Variants in GOT2 observed in about 807,000 individuals in gnomAD.
GOT2 encodes the protein aspartate aminotransferase, mitochondrial.
In GOT2, 17 loss-of-function variants were observed where a neutral mutation model predicts 50.0. The observed-to-expected ratio is 0.34, with a 90% CI of 0.23 to 0.51. The LOEUF (loss-of-function observed/expected upper bound fraction) is 0.51, where lower values mean the gene tolerates loss of function less well. Among genes scored for constraint, GOT2 ranks in the 20% least tolerant of loss-of-function variants. The probability of loss-of-function intolerance (pLI) is 0.97; values close to 1 mark genes in which losing one functional copy is unlikely to be tolerated. For synonymous variants in GOT2, 172 were observed against 204.9 expected (o/e 0.84, Z 1.37); for missense variants, 430 against 559.6 (o/e 0.77, Z 2.34).
chr16:58,717,722 C>T (rs1452306630), intron 6 of GOT2, among the ~76,000 whole-genome samples: 1 of 152,182 alleles, frequency 6.6e-6, no homozygotes, highest in Non-Finnish European at 1.5e-5. Flanking sequence ...CAGAGTTTTG[C>T]TCTTGTTGCC....
intron 8 of GOT2, 32 bp from the exon 9 acceptor site, chr16:58,709,599 T>C (rs764558991): frequency 1.3e-6 from 2 of 1,597,790 alleles, no homozygotes; most frequent in Middle Eastern, 1.7e-4. Flanking sequence ...CAGCTCATTC[T>C]GCCTAAGCAC....
chr16:58,726,896 G>A (rs1373792082), intron 1 of GOT2, among the ~76,000 whole-genome samples: 2 of 151,862 alleles, frequency 1.3e-5, no homozygotes, highest in Non-Finnish European at 2.9e-5. Flanking sequence ...GCTCACGCCT[G>A]CAATCCCAGC....
At chr16:58,716,423 T>C (rs1018282499) in intron 7 of GOT2, 1 of 601,710 alleles carries the variant, frequency 1.7e-6, no homozygotes, top group Non-Finnish European at 2.9e-6. Flanking sequence ...TTGTTACTTT[T>C]TGTTTAGAGA....
intron 8 of GOT2, among the ~76,000 whole-genome samples, chr16:58,713,580 C>A (rs755600058): frequency 5.3e-5 from 8 of 152,156 alleles, no homozygotes; most frequent in Non-Finnish European, 1.0e-4. Context: ...GACAGAGAGA[C>A]AGAAAAAATA....
intron 5 of GOT2, 74 bp from the exon 6 acceptor site, chr16:58,718,374 G>A (rs552742978): frequency 8.7e-6 from 12 of 1,384,052 alleles, no homozygotes; most frequent in Admixed American, 5.2e-5. Context: ...CCACAGGATC[G>A]TCATCATTTG....
At chr16:58,712,019 C>T (rs1158128187) in intron 8 of GOT2, among the ~76,000 whole-genome samples, 1 of 152,036 alleles carries the variant, frequency 6.6e-6, no homozygotes, top group Non-Finnish European at 1.5e-5. Context: ...CTGCATAATG[C>T]ACGTCCCACG....
At chr16:58,709,200 T>C (rs1567484232) in intron 9 of GOT2, 2 of 422,200 alleles carry the variant, frequency 4.7e-6, no homozygotes, top group South Asian at 3.7e-5. Flanking sequence ...GAGGTGGAGG[T>C]TGCAGTGAGC....
At chr16:58,731,448 A>G (rs975812820) in intron 1 of GOT2, among the ~76,000 whole-genome samples, 1 of 152,192 alleles carries the variant, frequency 6.6e-6, no homozygotes, top group African/African-American at 2.4e-5. Flanking sequence ...CTGGTCTGTG[A>G]TCTTTTAACC....
intron 1 of GOT2, among the ~76,000 whole-genome samples, chr16:58,730,020 T>C (rs257617): frequency 0.69 from 105,415 of 152,028 alleles, 37,099 homozygotes; most frequent in Middle Eastern, 0.86. Flanking sequence ...GTATGAAAAC[T>C]ATGTATCTAT....
chr16:58,707,944 A>G lies in GOT2; in HGVS notation c.*227T>C. 1 of 359,622 alleles carries G rather than the reference A, an allele frequency of 2.8e-6. No homozygotes were observed. The highest frequency in any genetic ancestry group is 8.7e-5 in the South Asian group (1 of 11,444). The allele number at this position is 359,622 out of a possible 1,614,324, so 22.3% of individuals were successfully genotyped here. On this transcript the variant is annotated 3_prime_UTR_variant, in exon 10 of 10. Coordinates refer to ENST00000245206, the MANE Select transcript of GOT2 (RefSeq NM_002080.4). ...TTTGAGAAAAGTTGGAGAAAAAAGG[A>G]CCGGGGAGAGTTTGGTTTAATATTC... is the stretch of plus-strand genomic sequence containing the variant.
intron 7 of GOT2, chr16:58,716,403 G>T: frequency 1.7e-6 from 1 of 598,850 alleles, no homozygotes; most frequent in Non-Finnish European, 2.9e-6. Flanking sequence ...TATCTTCTTG[G>T]CTCACGGATT....
chr16:58,716,572 A>C (rs2044695069), intron 7 of GOT2, 91 bp downstream of exon 7: 1 of 1,044,336 alleles, frequency 9.6e-7, no homozygotes, highest in South Asian at 1.5e-5. Flanking sequence ...ACACACACAC[A>C]CACACACACA....
Position 58,718,286 on chromosome 16 carries a change from C to G in GOT2, c.612G>C (p.Gln204His). ...CGCAGGCATGCAGAAGAAGAACACT[C>G]TGCTCTGGTATTTTCTAAAGAGAAA... ...AVEDISKIPE[Q>H]SVLLLHACAH... The change falls in exon 6 of 10, where the codon CAG becomes CAC. Residue 204 changes from glutamine to histidine, a missense_variant. By Grantham distance (24) the Gln-to-His change is conservative. Coordinates refer to ENST00000245206, the MANE Select transcript of GOT2 (RefSeq NM_002080.4). The G allele has an allele frequency of 1.2e-6, 2 of 1,613,702 alleles. No homozygotes were observed. Among genetic ancestry groups the G allele is most frequent in the Non-Finnish European group, 8.5e-7 (1 of 1,179,560 alleles).
Position 58,714,052 on chromosome 16 carries a change from T to A in GOT2, c.1019+1962A>T, listed in dbSNP as rs117440505. ...TCATGACCCATTGGTAGGTTAATTT[T>A]TTTATTTTTTATTTTTTTATTTTCT... On this transcript the variant is annotated intron_variant, in intron 8 of 9. Coordinates refer to ENST00000245206, the MANE Select transcript of GOT2 (RefSeq NM_002080.4). Among the ~76,000 whole-genome samples, 657 of 152,134 alleles carry A rather than the reference T, an allele frequency of 4.3e-3. 8 individuals are homozygous for A. The highest frequency in any genetic ancestry group is 4.0e-3 in the Non-Finnish European group (271 of 67,996).
intron 1 of GOT2, among the ~76,000 whole-genome samples, chr16:58,728,735 T>TA (rs1198726519): frequency 2.6e-5 from 4 of 152,188 alleles, no homozygotes; most frequent in African/African-American, 9.6e-5. Context: ...GGCTGAACTG[T>TA]AGTGGCACGA....
Position 58,707,298 on chromosome 16 carries a change from AGT to A in GOT2, c.*871_*872del, listed in dbSNP as rs2044611394. 1 of 152,204 alleles carries A rather than the reference AGT, an allele frequency of 6.6e-6. No homozygotes were observed. The highest frequency in any genetic ancestry group is 6.5e-5 in the Admixed American group (1 of 15,276). The allele number at this position is 152,204 out of a possible 1,614,324, so 9.4% of individuals were successfully genotyped here. A position where few individuals can be genotyped will look rare whatever the true frequency, so the allele number is the denominator to read the frequency against. On this transcript the variant is annotated 3_prime_UTR_variant, in exon 10 of 10. Coordinates refer to ENST00000245206, the MANE Select transcript of GOT2 (RefSeq NM_002080.4). ...TACCACCCTGCGCCGCTGGACTCAC[AGT>A]GTGAGATGAGAGGCTGCACACCACA...
chr16:58,710,796 T>C (rs1475702198), intron 8 of GOT2, among the ~76,000 whole-genome samples: 2 of 59,886 alleles, frequency 3.3e-5, no homozygotes, highest in Non-Finnish European at 9.4e-5. Flanking sequence ...TGAAACCCCG[T>C]CTCTAATAAA....
intron 8 of GOT2, among the ~76,000 whole-genome samples, chr16:58,712,173 C>G (rs1466321827): frequency 2.6e-5 from 4 of 152,118 alleles, no homozygotes; most frequent in African/African-American, 9.7e-5. Context: ...CTAGAATCAA[C>G]AGCTCTCCCT....
At chr16:58,709,396 A>C in intron 9 of GOT2, 21 bp downstream of exon 9, 3 of 1,570,968 alleles carry the variant, frequency 1.9e-6, no homozygotes, top group Non-Finnish European at 2.6e-6. Flanking sequence ...GGTCTGCTGC[A>C]GAGAAATCAG....
Sources: allele counts gnomAD v4.1 joint callset (sites outside exome capture counted in the v4.1 genomes callset), GRCh38; gene constraint gnomAD v4.1.1; transcripts MANE v1.5; gene names NCBI Gene and HGNC (gene_info 2026-07-23, HGNC 2026-07-21).